Variants in DYNC2H1 observed in about 807,000 individuals in gnomAD.
The protein encoded by DYNC2H1 is dynein cytoplasmic 2 heavy chain 1.
A neutral mutation model predicts 570.0 loss-of-function variants in DYNC2H1; 410 were observed. The ratio of observed to expected loss-of-function variants is 0.72; its 90% confidence interval spans 0.66 to 0.78. DYNC2H1 has a LOEUF of 0.78. Among genes scored for constraint, DYNC2H1 ranks in the 30% least tolerant of loss-of-function variants. The pLI, the probability that DYNC2H1 is intolerant of heterozygous loss-of-function variation, is 0.00. For missense variants in DYNC2H1, 4,865 were observed against 5,046.4 expected, an observed-to-expected ratio of 0.96 and a Z score of 1.09; for synonymous variants, 1,688 against 1,677.6, an observed-to-expected ratio of 1.01 and a Z score of -0.15.
At position 103,460,710 on chromosome 11, in the gene DYNC2H1, A is replaced by G. The variant is rs553068869; in HGVS notation, c.12648+4354A>G. On this transcript the variant is annotated intron_variant, in intron 87 of 88. Coordinates refer to ENST00000375735, the MANE Select transcript of DYNC2H1 (RefSeq NM_001377.3). ...ATGAATGTATATTTTTATATATACA[A>G]TGAATATATATTTTCATATATATTC... Among the ~76,000 whole-genome samples, 4 of 151,118 alleles carry G rather than the reference A, an allele frequency of 2.6e-5. No homozygotes were observed. The East Asian group carries it at 5.8e-4, about 22-fold the overall frequency.
intron 73 of DYNC2H1, among the ~76,000 whole-genome samples, chr11:103,284,177 C>T (rs1401012192): frequency 6.6e-6 from 1 of 152,080 alleles, no homozygotes. Flanking sequence ...TTGGTTTAGC[C>T]AGAAATCCCT....
chr11:103,438,977 TA>T (rs35277020), intron 85 of DYNC2H1, among the ~76,000 whole-genome samples: 4 of 151,864 alleles, frequency 2.6e-5, no homozygotes, highest in East Asian at 1.9e-4. Flanking sequence ...CCTCGCCTCT[TA>T]AAAAAAAGAT....
At position 103,334,906 on chromosome 11, in the gene DYNC2H1, C is replaced by T. The variant is rs1312381765; in HGVS notation, c.12039+10916C>T. Among the ~76,000 whole-genome samples the T allele has an allele frequency of 6.6e-6, 1 of 152,046 alleles. No homozygotes were observed. The highest frequency in any genetic ancestry group is 1.5e-5 in the Non-Finnish European group (1 of 67,938). On this transcript the variant is annotated intron_variant, in intron 82 of 88. Transcript: ENST00000375735. The surrounding 1 kb of genome is among the most constrained non-coding windows in gnomAD (Gnocchi z 4.3). ...TTCTAGTAATCTTCTCTGCAACTTT[C>T]AGCTGTAAAATGAACCTTTTTAAAC...
chr11:103,261,556 G>A lies in DYNC2H1; in HGVS notation c.10695+1579G>A, dbSNP rs1020858608. Among the ~76,000 whole-genome samples, 2 of 152,182 alleles carry A rather than the reference G, an allele frequency of 1.3e-5. No homozygotes were observed. The highest frequency in any genetic ancestry group is 2.9e-5 in the Non-Finnish European group (2 of 68,044). On this transcript the variant is annotated intron_variant, in intron 70 of 88. Transcript: ENST00000375735. The surrounding 1 kb of genome is among the most constrained non-coding windows in gnomAD (Gnocchi z 4.8). ...TCTGCTGGTGATACCCAGGCAAACA[G>A]GGTCAGGAGTGGACCTCCTGCAAAG...
In DYNC2H1 at chr11:103,129,086, C is replaced by T. The variant is rs1591284137; in HGVS notation, c.1953+81C>T. 1 of 1,156,976 alleles carries T rather than the reference C, an allele frequency of 8.6e-7. No individual in the cohort carries two copies. The highest frequency in any genetic ancestry group is 2.5e-5 in the Admixed American group (1 of 40,704). 71.7% of individuals were successfully genotyped at this position (1,156,976 alleles called of 1,614,324 possible). On this transcript the variant is annotated intron_variant, in intron 13 of 88. Transcript: ENST00000375735. The surrounding 1 kb of genome is among the most constrained non-coding windows in gnomAD (Gnocchi z 4.1). The stretch of plus-strand genomic sequence containing the variant: ...CTTAATTTTCCGGTGTTCCCTTCAG[C>T]TTAATATATCAAATGATCTAGATTT...
chr11:103,348,011 G>C (rs914021002), intron 82 of DYNC2H1, among the ~76,000 whole-genome samples: 1 of 152,130 alleles, frequency 6.6e-6, no homozygotes, highest in African/African-American at 2.4e-5. Flanking sequence ...GATTAGACGG[G>C]GGAGGGATTG....
At chr11:103,269,201 T>C (rs11225640) in intron 70 of DYNC2H1, among the ~76,000 whole-genome samples, 7,549 of 152,260 alleles carry the variant, frequency 0.05, 253 homozygotes, top group Non-Finnish European at 0.071. Flanking sequence ...ATGTTTTAAT[T>C]GATGATGGAA....
At chr11:103,230,709 C>T (rs1169201192) in intron 59 of DYNC2H1, among the ~76,000 whole-genome samples, 2 of 151,754 alleles carry the variant, frequency 1.3e-5, no homozygotes, top group Non-Finnish European at 2.9e-5. Flanking sequence ...TGGCTTTTTG[C>T]GTTCCGGTAT....
rs777840832 is a variant in DYNC2H1, at chr11:103,135,957, C to T, written c.2574+9C>T. The stretch of plus-strand genomic sequence containing the variant: ...TTTTACACCAACATAAGGTATAGAA[C>T]ATGTAATGTTCCATCCTTCCATCAT... On this transcript the variant is annotated intron_variant, in intron 17 of 88. Transcript: ENST00000375735. 2.0e-5 allele frequency: 31 copies of T among 1,557,488 alleles called. No homozygotes were observed. Among genetic ancestry groups the T allele is most frequent in the Non-Finnish European group, 2.7e-5 (31 of 1,149,388 alleles).
In DYNC2H1 at chr11:103,286,372, T is replaced by A; in HGVS notation, c.11008T>A (p.Ser3670Thr). Residue 3670 changes from serine (S) to threonine (T), a missense_variant, in exon 74 of 89, where the codon TCC becomes ACC. Around this residue, in one of 5 missense-constraint regions of DYNC2H1, gnomAD observed 2,401 missense variants for 2,454.6 expected, o/e 0.98. Transcript: ENST00000375735. ...EFPSILAKKVSLFQQILVVQA... is the reference protein window; with the variant it reads ...EFPSILAKKVTLFQQILVVQA... ...TCCATCTATCCTTGCAAAGAAAGTT[T>A]CCTTATTTCAGCAGGTAAAATTTAG... 6.2e-7 allele frequency: 1 copy of A among 1,611,448 alleles called. No individual in the cohort carries two copies. Among genetic ancestry groups the A allele is most frequent in the Non-Finnish European group, 8.5e-7 (1 of 1,179,284 alleles).
Position 103,192,245 on chromosome 11 carries a change from C to T in DYNC2H1, c.7689C>T (p.Asp2563=), listed in dbSNP as rs1862346100. The change falls in exon 47 of 89, where the codon GAC becomes GAT. Residue 2563 remains aspartate (D), a synonymous_variant. Transcript: ENST00000375735. ...TGTTTCAAGGAGATTGGGGCTCAGA[C>T]ATATTAGACAATATGTCAGGTAAGG... ...TSVFQGDWGS[D]ILDNMSDSFY... 1 of 1,563,136 alleles carries T rather than the reference C, an allele frequency of 6.4e-7. No homozygotes were observed. The highest frequency in any genetic ancestry group is 8.7e-7 in the Non-Finnish European group (1 of 1,147,592).
chr11:103,327,500 A>G (rs1346192988), intron 82 of DYNC2H1, among the ~76,000 whole-genome samples: 1 of 152,050 alleles, frequency 6.6e-6, no homozygotes, highest in African/African-American at 2.4e-5. Flanking sequence ...GAAGTTCAAA[A>G]CCTTCTCTTG....
At chr11:103,166,141 G>A in intron 31 of DYNC2H1, 93 bp downstream of exon 31, 1 of 1,042,920 alleles carries the variant, frequency 9.6e-7, no homozygotes, top group Non-Finnish European at 1.3e-6. Flanking sequence ...CTGTATATCT[G>A]TGTTGGTGAT....
At chr11:103,337,961 T>G (rs1004977722) in intron 82 of DYNC2H1, among the ~76,000 whole-genome samples, 1 of 152,238 alleles carries the variant, frequency 6.6e-6, no homozygotes, top group African/African-American at 2.4e-5. Context: ...TCCAGATTAG[T>G]GTCCTGAAGC....
intron 57 of DYNC2H1, among the ~76,000 whole-genome samples, chr11:103,221,168 C>T (rs1863571767): frequency 6.6e-6 from 1 of 151,686 alleles, no homozygotes; most frequent in Non-Finnish European, 1.5e-5. Context: ...AAGACAGAGA[C>T]AGAAACAGAA....
rs141416174 is a variant in DYNC2H1 at position 103,398,568 on chromosome 11, T to C, written c.12157-1095T>C. Among the ~76,000 whole-genome samples the C allele has an allele frequency of 3.8e-3, 580 of 152,226 alleles. 5 individuals carry two copies. The highest frequency in any genetic ancestry group is 0.013 in the African/African-American group (556 of 41,544). Reference sequence around the variant, plus strand: ...ATAGACTCGTCAATGTGGCAACTAGTAGAATGAGGAGAAGGGATCCTTAAT... The same window carrying C: ...ATAGACTCGTCAATGTGGCAACTAGCAGAATGAGGAGAAGGGATCCTTAAT... On this transcript the variant is annotated intron_variant, in intron 83 of 88. Transcript: ENST00000375735.
intron 74 of DYNC2H1, 119 bp from the exon 75 acceptor site, chr11:103,287,414 A>G (rs1012707394): frequency 6.3e-6 from 5 of 788,866 alleles, no homozygotes; most frequent in Non-Finnish European, 1.0e-5. Context: ...AATATGGAAC[A>G]ATGATAAGTG....
At chr11:103,456,444 T>C in intron 87 of DYNC2H1, 88 bp downstream of exon 87, 4 of 1,012,192 alleles carry the variant, frequency 4.0e-6, no homozygotes, top group East Asian at 2.6e-5. Flanking sequence ...AAGTGACCTA[T>C]CTTTATAGTG....
chr11:103,175,778 G>A (rs1861778427), intron 36 of DYNC2H1, among the ~76,000 whole-genome samples: 1 of 152,128 alleles, frequency 6.6e-6, no homozygotes, highest in Non-Finnish European at 1.5e-5. Flanking sequence ...TAGTTTATCT[G>A]GAATTGAATC....
Sources: gnomAD v4.1 joint callset for allele counts (sites outside exome capture counted in the v4.1 genomes callset) on GRCh38, gnomAD v4.1.1 for gene constraint, gnomAD v4.1.1 regional missense constraint, Gnocchi (gnomAD v3.1) non-coding constraint, MANE v1.5 for transcripts, NCBI Gene and HGNC (gene_info 2026-07-23, HGNC 2026-07-21) for gene names.